The following CD58 variants were observed in gnomAD, a reference collection of about 807,000 sequenced individuals.
The protein encoded by CD58 is lymphocyte function-associated antigen 3.
A neutral mutation model predicts 27.6 loss-of-function variants in CD58; 14 were observed. The ratio of observed to expected loss-of-function variants is 0.51; its 90% CI spans 0.34 to 0.79. The LOEUF is 0.79. Among genes scored for constraint, CD58 ranks in the 30% least tolerant of loss-of-function variants. CD58 has a pLI of 0.02. For synonymous variants in CD58, 117 were observed against 103.8 expected, an observed-to-expected ratio of 1.13 and a Z score of -0.77; for missense variants, 268 against 301.7, an observed-to-expected ratio of 0.89 and a Z score of 0.83.
In CD58 at chr1:116,557,409, C is replaced by A. The variant is rs368444730; in HGVS notation, c.71-12805G>T. ...CACCAAAGCAAGATGGGAGGACCTG[C>A]GGGCTCCACCTTCCCAACTCCACAG... On this transcript the variant is annotated intron_variant, in intron 1 of 5. Transcript: ENST00000369489. This position sits in a 1 kb window ranked among gnomAD's most constrained non-coding sequence, Gnocchi z 5.2. 6.6e-6 allele frequency among the ~76,000 whole-genome samples: 1 copy of A among 152,122 alleles called. No homozygotes were observed.
intron 1 of CD58, among the ~76,000 whole-genome samples, chr1:116,562,192 T>A (rs1357428605): frequency 6.6e-6 from 1 of 151,972 alleles, no homozygotes; most frequent in Non-Finnish European, 1.5e-5. Context: ...ATAAGGAAAA[T>A]TTTAAAAAAT....
chr1:116,533,960 G>C, intron 3 of CD58: 1 of 1,427,270 alleles, frequency 7.0e-7, no homozygotes, highest in Non-Finnish European at 9.9e-7. Flanking sequence ...GCATTGTCAA[G>C]TCGCTCCTGT....
Position 116,519,089 on chromosome 1 carries a change from G to T in CD58, c.743+142C>A, listed in dbSNP as rs1657184438. The T allele has an allele frequency of 2.7e-6, 4 of 1,477,414 alleles. No homozygotes were observed. The highest frequency in any genetic ancestry group is 3.6e-6 in the Non-Finnish European group (4 of 1,107,230). 91.5% of individuals were successfully genotyped at this position (1,477,414 alleles called of 1,614,324 possible). On this transcript the variant is annotated intron_variant, in intron 5 of 5. Coordinates refer to ENST00000369489, the MANE Select transcript of CD58 (RefSeq NM_001779.3). This position sits in a 1 kb window ranked among gnomAD's most constrained non-coding sequence, Gnocchi z 4.7. ...CACAGTTGGTACTTAATACACTATG[G>T]TTAGTATATCTGCTGATGTTACTTC...
Position 116,557,882 on chromosome 1 carries a change from C to G in CD58, c.70+13021G>C, listed in dbSNP as rs183079864. On this transcript the variant is annotated intron_variant, in intron 1 of 5. Coordinates refer to ENST00000369489, the MANE Select transcript of CD58 (RefSeq NM_001779.3). The surrounding 1 kb of genome is among the most constrained non-coding windows in gnomAD (Gnocchi z 5.2). The stretch of plus-strand genomic sequence containing the variant: ...AGAAACAAGGTCTCACTATGTTGCT[C>G]AGGCTGATCTCAAACTCGTGGGCTC... Among the ~76,000 whole-genome samples the G allele has an allele frequency of 6.6e-6, 1 of 152,152 alleles. No individual in the cohort carries two copies.
chr1:116,533,987 C>G (rs879085772), intron 3 of CD58: 1 of 1,399,706 alleles, frequency 7.1e-7, no homozygotes, highest in Non-Finnish European at 1.0e-6. Flanking sequence ...GCCAAAACTC[C>G]AGGATTCTGC....
At chr1:116,543,911 A>G (rs1450246218) in intron 2 of CD58, among the ~76,000 whole-genome samples, 1 of 152,142 alleles carries the variant, frequency 6.6e-6, no homozygotes, top group East Asian at 1.9e-4. Context: ...TAACAGAGTG[A>G]GACTCCTTCT....
intron 1 of CD58, among the ~76,000 whole-genome samples, chr1:116,565,675 GAA>G (rs564701014): frequency 7.3e-6 from 1 of 136,634 alleles, no homozygotes; most frequent in African/African-American, 2.7e-5. Flanking sequence ...AGGGTAGTTA[GAA>G]AAAAAAAAAA....
chr1:116,532,402 T>G lies in CD58; in HGVS notation c.628+3563A>C, dbSNP rs1301420465. 1.3e-5 allele frequency among the ~76,000 whole-genome samples: 2 copies of G among 152,260 alleles called. No individual in the cohort carries two copies. Among genetic ancestry groups the G allele is most frequent in the Admixed American group, 6.5e-5 (1 of 15,300 alleles). ...TCAAAAAGCAACATCCTAAGGAGAA[T>G]ACGGCCCTACTCTACACGGCCCTTC... is the stretch of plus-strand genomic sequence containing the variant. On this transcript the variant is annotated intron_variant, in intron 3 of 5. Transcript: ENST00000369489. The surrounding 1 kb of genome is among the most constrained non-coding windows in gnomAD (Gnocchi z 5.1).
chr1:116,549,817 A>G (rs1056714097), intron 1 of CD58, among the ~76,000 whole-genome samples: 1 of 152,204 alleles, frequency 6.6e-6, no homozygotes, highest in African/African-American at 2.4e-5. Context: ...CATATAATGG[A>G]TACACACAGG....
rs180868564 is a variant in CD58 at position 116,543,372 on chromosome 1, C to T, written c.364+939G>A. Among the ~76,000 whole-genome samples the T allele has an allele frequency of 6.6e-5, 10 of 151,394 alleles. No individual in the cohort carries two copies. The East Asian group carries it at 1.8e-3, about 27-fold the overall frequency. On this transcript the variant is annotated intron_variant, in intron 2 of 5. Coordinates refer to ENST00000369489, the MANE Select transcript of CD58 (RefSeq NM_001779.3). ...GGTTACATCCATGGGTAGTGGGTAA[C>T]GTAGAGGAAAAGATCCTTACAGGAG...
At position 116,540,218 on chromosome 1, in the gene CD58, G is replaced by A. The variant is rs537282512; in HGVS notation, c.365-3990C>T. Among the ~76,000 whole-genome samples, 55 of 152,212 alleles carry A rather than the reference G, an allele frequency of 3.6e-4. 1 individual carries two copies. The South Asian group carries it at 0.011, about 31-fold the overall frequency. ...GAAGTGGATGCCCTGAATTTAGGAA[G>A]TGCCAGGAAATCCCCCTGTCCAAAA... On this transcript the variant is annotated intron_variant, in intron 2 of 5. Transcript: ENST00000369489.
chr1:116,551,039 C>T (rs1454469875), intron 1 of CD58, among the ~76,000 whole-genome samples: 1 of 152,078 alleles, frequency 6.6e-6, no homozygotes, highest in African/African-American at 2.4e-5. Flanking sequence ...GTGCTGTCAT[C>T]CAGCCTGTTG....
chr1:116,533,899 C>CT (rs1657703140), intron 3 of CD58: 4 of 1,275,098 alleles, frequency 3.1e-6, no homozygotes. Context: ...ATTAATTCTT[C>CT]TTTTTACTGC....
chr1:116,565,480 T>G (rs1342036656), intron 1 of CD58, among the ~76,000 whole-genome samples: 1 of 152,132 alleles, frequency 6.6e-6, no homozygotes, highest in African/African-American at 2.4e-5. Context: ...GACCACACTA[T>G]GTAATACTAA....
intron 1 of CD58, among the ~76,000 whole-genome samples, chr1:116,551,930 G>T (rs1188646346): frequency 6.6e-6 from 1 of 152,038 alleles, no homozygotes. Flanking sequence ...AGTAGAGACG[G>T]GGTTTCGCCA....
intron 1 of CD58, among the ~76,000 whole-genome samples, chr1:116,565,705 T>C (rs1658906950): frequency 6.6e-6 from 1 of 151,288 alleles, no homozygotes; most frequent in African/African-American, 2.4e-5. Context: ...AATAACTTTT[T>C]TTTGTTTTGT....
intron 3 of CD58, among the ~76,000 whole-genome samples, chr1:116,535,701 C>T (rs7520733): frequency 0.059 from 7,691 of 129,854 alleles, 1,941 homozygotes; most frequent in African/African-American, 0.23. Context: ...ATTAGCCGGG[C>T]GTGGTGGCGG....
At chr1:116,526,093 A>G (rs970414406) in intron 3 of CD58, among the ~76,000 whole-genome samples, 13 of 152,116 alleles carry the variant, frequency 8.5e-5, no homozygotes, top group African/African-American at 3.1e-4. Flanking sequence ...ATTTTGGATA[A>G]CAGTCTTTTA....
intron 1 of CD58, among the ~76,000 whole-genome samples, chr1:116,545,391 A>G (rs1018575218): frequency 6.6e-6 from 1 of 152,198 alleles, no homozygotes; most frequent in East Asian, 1.9e-4. Flanking sequence ...GGGAAATTAT[A>G]ATGAAAGTCA....
Sources: allele counts gnomAD v4.1 joint callset (sites outside exome capture counted in the v4.1 genomes callset), GRCh38; gene constraint gnomAD v4.1.1; non-coding constraint Gnocchi (gnomAD v3.1); transcripts MANE v1.5; gene names NCBI Gene and HGNC (gene_info 2026-07-23, HGNC 2026-07-21).